GRB14: variants seen among roughly 807,000 people sequenced by gnomAD.
The protein encoded by GRB14 is growth factor receptor-bound protein 14.
GRB14 carries 38 observed loss-of-function variants against 69.1 expected under a neutral mutation model. That is an observed-to-expected ratio of 0.55 (90% CI 0.42 to 0.72). GRB14 has a LOEUF of 0.72. GRB14 is among the 30% of genes least tolerant of loss of function. The probability of loss-of-function intolerance (pLI) is 0.00; values close to 1 mark genes in which losing one functional copy is unlikely to be tolerated. For synonymous variants in GRB14, 247 were observed against 241.3 expected (o/e 1.02, Z -0.22); for missense variants, 666 against 666.1 (o/e 1.00, Z 0.00).
At chr2:164,515,774 C>A (rs1687466324) in intron 6 of GRB14, among the ~76,000 whole-genome samples, 1 of 143,692 alleles carries the variant, frequency 7.0e-6, no homozygotes, top group Non-Finnish European at 1.5e-5. Flanking sequence ...CATGAAGGCA[C>A]CAGAGAAAGG....
intron 3 of GRB14, among the ~76,000 whole-genome samples, chr2:164,541,632 T>C (rs1448422354): frequency 6.6e-6 from 1 of 151,868 alleles, no homozygotes; most frequent in African/African-American, 2.4e-5. Context: ...AAATAAATAA[T>C]TTAAATTTAA....
intron 2 of GRB14, among the ~76,000 whole-genome samples, chr2:164,571,540 G>C (rs1176037747): frequency 6.6e-6 from 1 of 152,144 alleles, no homozygotes; most frequent in African/African-American, 2.4e-5. Flanking sequence ...AAGAGTAAAT[G>C]TGTCACTTAA....
At chr2:164,552,705 T>G (rs1688575039) in intron 2 of GRB14, among the ~76,000 whole-genome samples, 3 of 152,198 alleles carry the variant, frequency 2.0e-5, no homozygotes, top group African/African-American at 7.2e-5. Flanking sequence ...TGTCATGCCC[T>G]ATGATGTCAA....
At chr2:164,513,452 A>G (rs1345859888) in intron 6 of GRB14, among the ~76,000 whole-genome samples, 1 of 152,212 alleles carries the variant, frequency 6.6e-6, no homozygotes, top group Admixed American at 6.5e-5. Context: ...TGTTGTTATA[A>G]GAGACATACA....
intron 2 of GRB14, among the ~76,000 whole-genome samples, chr2:164,560,520 T>A (rs2105321621): frequency 6.6e-6 from 1 of 152,270 alleles, no homozygotes; most frequent in East Asian, 1.9e-4. Flanking sequence ...ATCTATTTTT[T>A]CAGAATTAGT....
At chr2:164,610,438 A>C (rs1690140576) in intron 2 of GRB14, among the ~76,000 whole-genome samples, 1 of 152,078 alleles carries the variant, frequency 6.6e-6, no homozygotes, top group South Asian at 2.1e-4. Context: ...TCAAATTTTC[A>C]TACGTGTTAA....
intron 2 of GRB14, among the ~76,000 whole-genome samples, chr2:164,557,284 G>T (rs1009566129): frequency 1.3e-5 from 2 of 152,154 alleles, no homozygotes; most frequent in Non-Finnish European, 1.5e-5. Context: ...TGAGGAGGGG[G>T]TGCCTTCACC....
intron 3 of GRB14, chr2:164,539,662 G>A (rs1251380423): frequency 1.3e-5 from 2 of 152,092 alleles, no homozygotes; most frequent in African/African-American, 4.8e-5. Flanking sequence ...TCACAACTCG[G>A]AATGTCTCTG....
chr2:164,523,915 A>G (rs1687701028), intron 5 of GRB14, among the ~76,000 whole-genome samples: 1 of 152,078 alleles, frequency 6.6e-6, no homozygotes, highest in Non-Finnish European at 1.5e-5. Context: ...GTTGTAATAC[A>G]GTGGTGAAGC....
At chr2:164,501,004 T>A (rs1488095963) in intron 9 of GRB14, among the ~76,000 whole-genome samples, 1 of 152,140 alleles carries the variant, frequency 6.6e-6, no homozygotes, top group East Asian at 1.9e-4. Context: ...TTTTGGACTC[T>A]AAAAGAAATT....
intron 9 of GRB14, among the ~76,000 whole-genome samples, chr2:164,497,776 T>C (rs1228906201): frequency 1.3e-5 from 2 of 152,210 alleles, no homozygotes; most frequent in African/African-American, 4.8e-5. Flanking sequence ...AAAGTATGTC[T>C]TTCTTCTAAA....
intron 9 of GRB14, among the ~76,000 whole-genome samples, chr2:164,498,009 C>G (rs1054807003): frequency 6.6e-6 from 1 of 152,116 alleles, no homozygotes; most frequent in Admixed American, 6.6e-5. Flanking sequence ...TGACATATAT[C>G]TCTTGAGAAA....
At chr2:164,582,466 G>C (rs1295074152) in intron 2 of GRB14, among the ~76,000 whole-genome samples, 1 of 150,482 alleles carries the variant, frequency 6.6e-6, no homozygotes, top group East Asian at 1.9e-4. Context: ...CTGTTGCCCA[G>C]GCTGGAGTGC....
At chr2:164,498,498 C>T (rs1387545335) in intron 9 of GRB14, among the ~76,000 whole-genome samples, 1 of 152,092 alleles carries the variant, frequency 6.6e-6, no homozygotes, top group Non-Finnish European at 1.5e-5. Context: ...CCACTCAGTT[C>T]ATAAGTTCAT....
intron 3 of GRB14, among the ~76,000 whole-genome samples, chr2:164,535,706 TA>T (rs1246248127): frequency 1.3e-5 from 2 of 152,168 alleles, no homozygotes; most frequent in African/African-American, 2.4e-5. Flanking sequence ...AAGCAAAGAA[TA>T]AAACACAGCT....
chr2:164,574,068 A>C (rs1482979365), intron 2 of GRB14: 10 of 1,035,632 alleles, frequency 9.7e-6, no homozygotes, highest in Non-Finnish European at 1.3e-5. Context: ...TTCAGAGGTA[A>C]ATTCAGAAAC....
At chr2:164,549,888 TAAA>T (rs1454306541) in intron 2 of GRB14, among the ~76,000 whole-genome samples, 1 of 130,504 alleles carries the variant, frequency 7.7e-6, no homozygotes, top group Non-Finnish European at 1.5e-5. Context: ...TAAAATAAAA[TAAA>T]ATAAAATAAA....
chr2:164,597,582 A>G (rs1689814012), intron 2 of GRB14, among the ~76,000 whole-genome samples: 1 of 152,078 alleles, frequency 6.6e-6, no homozygotes, highest in Non-Finnish European at 1.5e-5. Context: ...CAATTCTCGA[A>G]CCATTAAAGA....
chr2:164,500,718 C>A (rs1687026902), intron 9 of GRB14, among the ~76,000 whole-genome samples: 1 of 152,080 alleles, frequency 6.6e-6, no homozygotes, highest in Non-Finnish European at 1.5e-5. Flanking sequence ...CAGGCACCTG[C>A]ATCCTCCAAC....
Sources: allele counts gnomAD v4.1 joint callset (sites outside exome capture counted in the v4.1 genomes callset), GRCh38; gene constraint gnomAD v4.1.1; transcripts MANE v1.5; gene names NCBI Gene and HGNC (gene_info 2026-07-23, HGNC 2026-07-21).